NHERF2: variants seen among roughly 807,000 people sequenced by gnomAD.
The protein encoded by NHERF2 is NHERF family PDZ scaffold protein 2.
At chr16:2,036,491 C>G in the NHERF2 span, 1 of 1,591,402 alleles carries the variant, frequency 6.3e-7, no homozygotes, top group Non-Finnish European at 8.6e-7. Flanking sequence ...GCGCCCAGGA[C>G]CGGCTCATTG....
chr16:2,028,717 G>T, the NHERF2 span, among the ~76,000 whole-genome samples: 1 of 152,150 alleles, frequency 6.6e-6, no homozygotes, highest in Non-Finnish European at 1.5e-5. Context: ...GAGCCCGGCA[G>T]CTGGTGGGGA....
chr16:2,038,240 A>ACACAGAGAGAGACAGAGAGAGAGC, the NHERF2 span: 1 of 580,982 alleles, frequency 1.7e-6, no homozygotes, highest in Non-Finnish European at 3.1e-6. Context: ...AGAGAGAGAG[A>ACACAGAGAGAGACAGAGAGAGAGC]CACAGAGAGA....
At chr16:2,037,054 G>A in the NHERF2 span, 357 of 1,531,954 alleles carry the variant, frequency 2.3e-4, no homozygotes, top group Middle Eastern at 4.6e-4. Flanking sequence ...ACCCAGGCCC[G>A]ACAGAGGCCC....
the NHERF2 span, chr16:2,035,709 G>T: frequency 2.0e-6 from 2 of 984,604 alleles, no homozygotes; most frequent in Non-Finnish European, 2.4e-6. Flanking sequence ...ATGGGGCAGG[G>T]CCTGGGATGG....
the NHERF2 span, chr16:2,036,323 G>A: frequency 6.2e-7 from 1 of 1,605,366 alleles, no homozygotes; most frequent in Non-Finnish European, 8.5e-7. Context: ...TGGGCCTGCA[G>A]GATGTCAGTG....
the NHERF2 span, chr16:2,035,551 C>T: frequency 3.0e-6 from 3 of 986,934 alleles, no homozygotes; most frequent in Non-Finnish European, 3.6e-6. Flanking sequence ...CCTGCTCCGG[C>T]CACCGCCATG....
chr16:2,036,357 C>T, the NHERF2 span: 13 of 1,610,612 alleles, frequency 8.1e-6, no homozygotes, highest in Admixed American at 3.3e-5. Flanking sequence ...GCTGCGCCCT[C>T]GGCTCTGCCA....
the NHERF2 span, among the ~76,000 whole-genome samples, chr16:2,028,801 C>T: frequency 6.6e-6 from 1 of 152,222 alleles, no homozygotes. Flanking sequence ...CCAGTGGGCA[C>T]TGCTTTCTCT....
At chr16:2,032,755 T>C in the NHERF2 span, 36 of 965,542 alleles carry the variant, frequency 3.7e-5, no homozygotes, top group African/African-American at 6.0e-4. This position sits in a 1 kb window ranked among gnomAD's most constrained non-coding sequence, Gnocchi z 4.0. Context: ...GCAGCTGCAG[T>C]GCAGCTGATC....
chr16:2,037,776 T>A, the NHERF2 span: 4 of 1,552,416 alleles, frequency 2.6e-6, no homozygotes, highest in Non-Finnish European at 3.5e-6. Flanking sequence ...CCGTCTGGGG[T>A]GTGGGACTAG....
chr16:2,033,173 G>T, the NHERF2 span: 1 of 1,430,486 alleles, frequency 7.0e-7, no homozygotes, highest in South Asian at 1.5e-5. Context: ...CCTTCGCAGG[G>T]GAGCGGGCTC....
the NHERF2 span, chr16:2,029,784 T>TA: frequency 1.3e-6 from 2 of 1,509,800 alleles, no homozygotes; most frequent in Non-Finnish European, 1.8e-6. Context: ...GGCAAGAAGG[T>TA]ATGGCGGGCT....
the NHERF2 span, chr16:2,038,203 G>C: frequency 3.3e-6 from 2 of 603,400 alleles, no homozygotes; most frequent in Admixed American, 2.9e-5. Context: ...AGATGTGAGA[G>C]AGAGTCAGAG....
the NHERF2 span, chr16:2,038,522 C>A: frequency 2.7e-6 from 1 of 367,324 alleles, no homozygotes; most frequent in Non-Finnish European, 5.1e-6. Context: ...AGCGGCCGTC[C>A]TGAGTGGGAG....
chr16:2,036,690 G>A, the NHERF2 span: 19 of 1,606,050 alleles, frequency 1.2e-5, no homozygotes, highest in Non-Finnish European at 1.6e-5. Context: ...GGGGCTGTCT[G>A]GGCCCATGGC....
At chr16:2,035,157 A>G in the NHERF2 span, among the ~76,000 whole-genome samples, 4 of 151,872 alleles carry the variant, frequency 2.6e-5, no homozygotes, top group Admixed American at 6.6e-5. Context: ...TGGACAGGAG[A>G]AGGGTGTTCC....
the NHERF2 span, among the ~76,000 whole-genome samples, chr16:2,030,267 A>C: frequency 6.6e-6 from 1 of 152,126 alleles, no homozygotes; most frequent in Non-Finnish European, 1.5e-5. Flanking sequence ...GAAGCCTAGG[A>C]GGCCACTCTG....
At chr16:2,037,017 C>T in the NHERF2 span, 2 of 1,549,198 alleles carry the variant, frequency 1.3e-6, no homozygotes, top group Non-Finnish European at 1.7e-6. Flanking sequence ...GTGGGGTGCC[C>T]ATGAGACACA....
chr16:2,035,482 A>G, the NHERF2 span: 3 of 986,062 alleles, frequency 3.0e-6, no homozygotes, highest in South Asian at 4.7e-5. Context: ...CCGCCTGCAC[A>G]GTCTCCCCTG....
Sources: gnomAD v4.1 joint callset for allele counts (sites outside exome capture counted in the v4.1 genomes callset) on GRCh38, gnomAD v4.1.1 for gene constraint, Gnocchi (gnomAD v3.1) non-coding constraint, MANE v1.5 for transcripts, NCBI Gene and HGNC (gene_info 2026-07-23, HGNC 2026-07-21) for gene names.